DDX1: variants seen among roughly 807,000 people sequenced by gnomAD.
DDX1 encodes ATP-dependent RNA helicase DDX1.
DDX1 carries 28 observed loss-of-function variants against 108.7 expected under a neutral mutation model. The ratio of observed to expected loss-of-function variants is 0.26; its 90% CI spans 0.19 to 0.35. The LOEUF (loss-of-function observed/expected upper bound fraction) is 0.35, where lower values mean the gene tolerates loss of function less well. Among genes scored for constraint, DDX1 ranks in the 10% least tolerant of loss-of-function variants. The probability of loss-of-function intolerance (pLI) is 1.00; values close to 1 mark genes in which losing one functional copy is unlikely to be tolerated. For missense variants in DDX1, 710 were observed against 884.5 expected (o/e 0.80, Z 2.50); for synonymous variants, 295 against 288.9 (o/e 1.02, Z -0.21).
At chr2:15,597,830 A>G (rs1302323169) in intron 5 of DDX1, among the ~76,000 whole-genome samples, 1 of 152,206 alleles carries the variant, frequency 6.6e-6, no homozygotes, top group Admixed American at 6.5e-5. Context: ...TAATTTATGG[A>G]GTAAAAACCC....
chr2:15,606,444 T>C (rs188679204), intron 12 of DDX1, among the ~76,000 whole-genome samples, 180 bp downstream of exon 12: 69 of 152,348 alleles, frequency 4.5e-4, no homozygotes, highest in Admixed American at 1.9e-3. Flanking sequence ...TCTTAAGTAT[T>C]TGGTTTCAGT....
At chr2:15,618,080 T>C in intron 15 of DDX1, 101 bp from the exon 16 acceptor site, 1 of 613,242 alleles carries the variant, frequency 1.6e-6, no homozygotes, top group Non-Finnish European at 2.9e-6. Context: ...AGTTTCCTTA[T>C]ATTTTGTTTG....
At chr2:15,630,260 T>C (rs1373710826) in intron 25 of DDX1, 150 bp downstream of exon 25, 6 of 739,846 alleles carry the variant, frequency 8.1e-6, no homozygotes, top group Non-Finnish European at 1.3e-5. Context: ...CATAGTACTT[T>C]GTCCATACCT....
At chr2:15,607,448 C>G (rs1029029032) in intron 13 of DDX1, 135 bp downstream of exon 13, 1 of 638,322 alleles carries the variant, frequency 1.6e-6, no homozygotes, top group Non-Finnish European at 2.5e-6. Flanking sequence ...TGTAAATATA[C>G]TTTAATAATT....
Position 15,618,267 on chromosome 2 carries a change from T to G in DDX1, c.1203T>G (p.Leu401=). 1 of 1,525,420 alleles carries G rather than the reference T, an allele frequency of 6.6e-7. No individual in the cohort carries two copies. The highest frequency in any genetic ancestry group is 2.3e-5 in the East Asian group (1 of 44,336). The allele number at this position is 1,525,420 out of a possible 1,614,324, so 94.5% of individuals were successfully genotyped here. The change falls in exon 16 of 26, where the codon CTT becomes CTG. Residue 401 remains leucine, a synonymous_variant. Coordinates refer to ENST00000233084, the MANE Select transcript of DDX1 (RefSeq NM_004939.3). ...AGGTTACCTCTGATGGAAAAAGACT[T>G]CAGGTATAAAATTTATCAATGCATC... ...IPQVTSDGKR[L]QVIVCSATLH... is the part of the protein sequence containing the mutation.
At chr2:15,613,576 G>C (rs1056071903) in intron 14 of DDX1, among the ~76,000 whole-genome samples, 1 of 152,122 alleles carries the variant, frequency 6.6e-6, no homozygotes, top group African/African-American at 2.4e-5. Flanking sequence ...TTCTTTTTGG[G>C]GAGATAAGTG....
At chr2:15,612,092 A>C (rs1573044171) in intron 13 of DDX1, among the ~76,000 whole-genome samples, 4 of 108,966 alleles carry the variant, frequency 3.7e-5, no homozygotes, top group Admixed American at 2.0e-4. Context: ...GCGGGGCCTG[A>C]CCCCCCCACC....
chr2:15,629,530 CA>C, intron 23 of DDX1, 71 bp from the exon 24 acceptor site: 2 of 1,156,774 alleles, frequency 1.7e-6, no homozygotes, highest in South Asian at 3.1e-5. Flanking sequence ...CAATTAAAAA[CA>C]AATTTAGAAT....
chr2:15,603,661 T>G (rs1247221022), intron 8 of DDX1, among the ~76,000 whole-genome samples, 153 bp from the exon 9 acceptor site: 1 of 152,206 alleles, frequency 6.6e-6, no homozygotes, highest in African/African-American at 2.4e-5. Context: ...GCCTAAGCAC[T>G]GTTTAGTTTT....
chr2:15,594,901 T>C (rs1665474386), intron 1 of DDX1, among the ~76,000 whole-genome samples: 1 of 152,184 alleles, frequency 6.6e-6, no homozygotes, highest in Non-Finnish European at 1.5e-5. Flanking sequence ...ATCAGCCCCA[T>C]TTTGTGTGGA....
Position 15,623,592 on chromosome 2 carries a change from TC to T in DDX1, c.1594+11del. 1 of 1,610,474 alleles carries T rather than the reference TC, an allele frequency of 6.2e-7. No individual in the cohort carries two copies. Among genetic ancestry groups the T allele is most frequent in the Non-Finnish European group, 8.5e-7 (1 of 1,177,186 alleles). On this transcript the variant is annotated intron_variant, in intron 19 of 25. Transcript: ENST00000233084. ...ATACAACAAGGAGGAGGTAATTTTT[TC>T]TCACTTGAAATAAATTGTGTTTATA...
At position 15,606,156 on chromosome 2, in the gene DDX1, G is replaced by C; in HGVS notation, c.709G>C (p.Glu237Gln). Reference protein sequence around the residue: ...LFPACVLKNAELKFNFGEEEF... With the variant: ...LFPACVLKNAQLKFNFGEEEF... ...CTGTTTTATTCAATGCTAGAATGCTGAACTGAAATTTAACTTCGGTGAAGA... is the reference window on the plus strand; with the variant it reads ...CTGTTTTATTCAATGCTAGAATGCTCAACTGAAATTTAACTTCGGTGAAGA... Residue 237 changes from glutamate to glutamine, a missense_variant, in exon 12 of 26, where the codon GAA becomes CAA. Coordinates refer to ENST00000233084, the MANE Select transcript of DDX1 (RefSeq NM_004939.3). 6.2e-7 allele frequency: 1 copy of C among 1,612,524 alleles called. No individual in the cohort carries two copies. Among genetic ancestry groups the C allele is most frequent in the South Asian group, 1.1e-5 (1 of 90,980 alleles).
chr2:15,614,556 G>A (rs978665497), intron 14 of DDX1, among the ~76,000 whole-genome samples: 3 of 152,160 alleles, frequency 2.0e-5, no homozygotes, highest in Admixed American at 2.0e-4. Context: ...TAGATCGCGA[G>A]GGCTTTGTCC....
At chr2:15,623,618 A>G (rs1360204176) in intron 19 of DDX1, 36 bp downstream of exon 19, 1 of 1,554,384 alleles carries the variant, frequency 6.4e-7, no homozygotes, top group Admixed American at 1.7e-5. Context: ...TTGTGTTTAT[A>G]TCCTCTTGTA....
chr2:15,623,392 A>G, intron 18 of DDX1, 44 bp from the exon 19 acceptor site: 1 of 1,599,796 alleles, frequency 6.3e-7, no homozygotes, highest in Non-Finnish European at 8.6e-7. Context: ...TGACAAGTTC[A>G]GATTGAAATT....
intron 24 of DDX1, 37 bp downstream of exon 24, chr2:15,629,734 A>G: frequency 7.0e-7 from 1 of 1,430,280 alleles, no homozygotes; most frequent in Non-Finnish European, 9.5e-7. Flanking sequence ...TAATGTATTA[A>G]AATGGTAGAA....
chr2:15,600,752 T>C (rs1234223207), intron 6 of DDX1, among the ~76,000 whole-genome samples: 2 of 133,268 alleles, frequency 1.5e-5, no homozygotes, highest in East Asian at 4.2e-4. Flanking sequence ...TTTTTTTTTT[T>C]TTTTTTTTTT....
Position 15,630,785 on chromosome 2 carries a change from A to C in DDX1, c.2102A>C (p.Tyr701Ser). The change falls in exon 26 of 26, where the codon TAT (tyrosine) becomes TCT (serine). Residue 701 changes from tyrosine to serine, a missense_variant. Transcript: ENST00000233084. ...GQKRAAGGGS[Y>S]KGHVDILAPT... ...TTTGTGTGTGATGCAGGTGGAAGCT[A>C]TAAAGGCCATGTGGATATTTTGGCA... 1 of 1,613,592 alleles carries C rather than the reference A, an allele frequency of 6.2e-7. No homozygotes were observed. Among genetic ancestry groups the C allele is most frequent in the African/African-American group, 1.3e-5 (1 of 75,040 alleles).
chr2:15,605,664 A>C (rs1217571800), intron 10 of DDX1, among the ~76,000 whole-genome samples: 1 of 152,140 alleles, frequency 6.6e-6, no homozygotes, highest in Admixed American at 6.5e-5. Context: ...AGGTGAGTTC[A>C]AGGGAGGTTT....
Sources: gnomAD v4.1 joint callset for allele counts (sites outside exome capture counted in the v4.1 genomes callset) on GRCh38, gnomAD v4.1.1 for gene constraint, MANE v1.5 for transcripts, NCBI Gene and HGNC (gene_info 2026-07-23, HGNC 2026-07-21) for gene names.